Variants in PTPRM observed in about 807,000 individuals in gnomAD.
PTPRM encodes receptor-type tyrosine-protein phosphatase mu.
A neutral mutation model predicts 186.7 loss-of-function variants in PTPRM; 47 were observed. The observed-to-expected ratio is 0.25, with a 90% CI of 0.20 to 0.32. PTPRM has a LOEUF of 0.32. PTPRM is among the 10% of genes least tolerant of loss of function. PTPRM has a pLI of 1.00. For missense variants in PTPRM, 1,494 were observed against 1,865.0 expected (o/e 0.80, Z 3.66); for synonymous variants, 668 against 674.9 (o/e 0.99, Z 0.16).
chr18:8,025,127 C>T (rs1406558299), intron 7 of PTPRM, among the ~76,000 whole-genome samples: 1 of 152,150 alleles, frequency 6.6e-6, no homozygotes, highest in African/African-American at 2.4e-5. Context: ...TTTAATGGAA[C>T]ATGACCCAAA....
chr18:8,179,370 A>G (rs1232982548), intron 14 of PTPRM, among the ~76,000 whole-genome samples: 1 of 152,178 alleles, frequency 6.6e-6, no homozygotes, highest in Non-Finnish European at 1.5e-5. Flanking sequence ...TCAGTCTTCT[A>G]TTAGTTCAGT....
intron 1 of PTPRM, among the ~76,000 whole-genome samples, chr18:7,753,404 G>A (rs940082285): frequency 6.6e-6 from 1 of 152,038 alleles, no homozygotes; most frequent in Non-Finnish European, 1.5e-5. Context: ...AAGAAAATAA[G>A]CTTTGAAAGC....
chr18:8,289,491 T>C (rs1460714373), intron 19 of PTPRM, among the ~76,000 whole-genome samples: 1 of 139,740 alleles, frequency 7.2e-6, no homozygotes, highest in African/African-American at 2.7e-5. Context: ...TATATATACA[T>C]ATATGTATAT....
rs113266515 is a variant in PTPRM at position 8,237,542 on chromosome 18, G to A, written c.2301-6516G>A. Among the ~76,000 whole-genome samples the A allele has an allele frequency of 8.2e-3, 1,184 of 144,826 alleles. 16 individuals carry two copies. Among genetic ancestry groups the A allele is most frequent in the African/African-American group, 0.029 (1,133 of 39,160 alleles). ...CAGCTCACTGCAACCTCAACCTCCCGGGTTCAAGCGATTCTCCTGCCTCAG... is the reference window on the plus strand; with the variant it reads ...CAGCTCACTGCAACCTCAACCTCCCAGGTTCAAGCGATTCTCCTGCCTCAG... On this transcript the variant is annotated intron_variant, in intron 14 of 32. Transcript: ENST00000580170.
intron 1 of PTPRM, among the ~76,000 whole-genome samples, chr18:7,589,378 G>A (rs1169356906): frequency 2.6e-5 from 4 of 152,180 alleles, no homozygotes; most frequent in Admixed American, 6.5e-5. Context: ...GCACAGAAAC[G>A]GGTGCCCTTT....
chr18:7,580,723 T>A (rs2036821967), intron 1 of PTPRM, among the ~76,000 whole-genome samples: 1 of 152,110 alleles, frequency 6.6e-6, no homozygotes, highest in African/African-American at 2.4e-5. Flanking sequence ...GGTAAAGTCG[T>A]CTCCACTCCC....
At chr18:7,911,707 A>G (rs2050273029) in intron 4 of PTPRM, among the ~76,000 whole-genome samples, 1 of 152,128 alleles carries the variant, frequency 6.6e-6, no homozygotes, top group South Asian at 2.1e-4. Context: ...TTAACAGCAC[A>G]AAGATTTAAA....
At chr18:8,000,225 GAC>G (rs1281784991) in intron 7 of PTPRM, among the ~76,000 whole-genome samples, 1 of 152,098 alleles carries the variant, frequency 6.6e-6, no homozygotes, top group Non-Finnish European at 1.5e-5. Flanking sequence ...TTGTCAACCT[GAC>G]ACATAAAATC....
chr18:7,614,612 C>T (rs185357596), intron 1 of PTPRM, among the ~76,000 whole-genome samples: 61 of 152,308 alleles, frequency 4.0e-4, no homozygotes, highest in East Asian at 3.9e-3. Flanking sequence ...AATAATCTGA[C>T]TTTTATCATC....
Position 8,069,829 on chromosome 18 carries a change from C to T in PTPRM, c.1276C>T (p.Gln426Ter). 1 of 1,614,044 alleles carries T rather than the reference C, an allele frequency of 6.2e-7. No individual in the cohort carries two copies. The highest frequency in any genetic ancestry group is 8.5e-7 in the Non-Finnish European group (1 of 1,179,976). The change falls in exon 8 of 33, where the codon CAA becomes TAA. Residue 426 changes from glutamine to a stop codon, truncating the protein, a stop_gained. Coordinates refer to ENST00000580170, the MANE Select transcript of PTPRM (RefSeq NM_001105244.2). LOFTEE classifies it high-confidence loss of function. ...CCACTACTGTTACCAAGTTGGAGGACAAGAACAAGTGCGAGAAGAAGTAAG... is the reference window on the plus strand; with the variant it reads ...CCACTACTGTTACCAAGTTGGAGGATAAGAACAAGTGCGAGAAGAAGTAAG... ...TVHYCYQVGG[Q>*]EQVREEVSWD...
chr18:7,865,842 A>G (rs923870306), intron 2 of PTPRM, among the ~76,000 whole-genome samples: 1 of 152,126 alleles, frequency 6.6e-6, no homozygotes, highest in African/African-American at 2.4e-5. Flanking sequence ...TAGGCTATTA[A>G]TTACTGCCTC....
At chr18:8,393,507 C>T (rs907109590) in intron 31 of PTPRM, among the ~76,000 whole-genome samples, 2 of 152,310 alleles carry the variant, frequency 1.3e-5, no homozygotes, top group Non-Finnish European at 2.9e-5. Flanking sequence ...ACTACATGCA[C>T]GACTGGATCC....
chr18:7,887,775 A>G (rs74487195), intron 2 of PTPRM, among the ~76,000 whole-genome samples: 1 of 152,198 alleles, frequency 6.6e-6, no homozygotes, highest in Admixed American at 6.5e-5. Flanking sequence ...ATGGAATTTT[A>G]ATTTTTATTT....
intron 14 of PTPRM, among the ~76,000 whole-genome samples, chr18:8,169,501 GT>G (rs1441022846): frequency 6.6e-6 from 1 of 152,162 alleles, no homozygotes; most frequent in Non-Finnish European, 1.5e-5. Context: ...TTCATAAAGT[GT>G]ACCTCCATGT....
At chr18:8,209,954 T>A (rs150343789) in intron 14 of PTPRM, among the ~76,000 whole-genome samples, 38,708 of 141,806 alleles carry the variant, frequency 0.27, 5,413 homozygotes, top group Middle Eastern at 0.51. Flanking sequence ...AAACCTGCAC[T>A]TTCTGCACAT....
At chr18:8,179,480 T>G (rs1379534781) in intron 14 of PTPRM, among the ~76,000 whole-genome samples, 2 of 151,260 alleles carry the variant, frequency 1.3e-5, no homozygotes, top group East Asian at 3.9e-4. Flanking sequence ...TTCTTTTCTT[T>G]TTTTTTTTTA....
chr18:8,140,667 A>C (rs1045930733), intron 13 of PTPRM, among the ~76,000 whole-genome samples: 1 of 152,122 alleles, frequency 6.6e-6, no homozygotes, highest in African/African-American at 2.4e-5. Context: ...TCACCAGTGC[A>C]ATGAATACGA....
chr18:8,048,131 C>T (rs570451854), intron 7 of PTPRM, among the ~76,000 whole-genome samples: 491 of 152,178 alleles, frequency 3.2e-3, no homozygotes, highest in Non-Finnish European at 4.1e-3. Flanking sequence ...AAAAGTATTG[C>T]AAAGTAGTCT....
At chr18:7,820,933 T>C (rs962870126) in intron 2 of PTPRM, among the ~76,000 whole-genome samples, 2 of 152,194 alleles carry the variant, frequency 1.3e-5, no homozygotes, top group Non-Finnish European at 2.9e-5. Flanking sequence ...GCTCTTCTGC[T>C]GGCTCCCACC....
Sources: gnomAD v4.1 joint callset for allele counts (sites outside exome capture counted in the v4.1 genomes callset) on GRCh38, gnomAD v4.1.1 for gene constraint, MANE v1.5 for transcripts, NCBI Gene and HGNC (gene_info 2026-07-23, HGNC 2026-07-21) for gene names.